Variants in TSG101 observed in about 807,000 individuals in gnomAD.
The protein encoded by TSG101 is tumor susceptibility gene 101 protein.
A neutral mutation model predicts 48.5 loss-of-function variants in TSG101; 19 were observed. That is an observed-to-expected ratio of 0.39 (90% CI 0.27 to 0.58). The LOEUF (loss-of-function observed/expected upper bound fraction) is 0.58. Among genes scored for constraint, TSG101 ranks in the 20% least tolerant of loss-of-function variants. The pLI, the probability that TSG101 is intolerant of heterozygous loss-of-function variation, is 0.55. For synonymous variants in TSG101, 174 were observed against 169.4 expected, an observed-to-expected ratio of 1.03 and a Z score of -0.21; for missense variants, 365 against 484.4, an observed-to-expected ratio of 0.75 and a Z score of 2.31.
chr11:18,511,062 A>T (rs149126329), intron 4 of TSG101: 1 of 152,228 alleles, frequency 6.6e-6, no homozygotes, highest in African/African-American at 2.4e-5. Flanking sequence ...TATTTTGTGT[A>T]TATCTCATCT....
intron 4 of TSG101, among the ~76,000 whole-genome samples, chr11:18,514,217 G>A (rs1258994198): frequency 6.6e-6 from 1 of 152,112 alleles, no homozygotes; most frequent in East Asian, 1.9e-4. Flanking sequence ...GCTTTCCAAA[G>A]CCTTCCAACA....
At chr11:18,480,666 G>A in intron 9 of TSG101, 31 bp from the exon 10 acceptor site, 1 of 1,596,042 alleles carries the variant, frequency 6.3e-7, no homozygotes, top group African/African-American at 1.3e-5. Flanking sequence ...GAATAGTTTA[G>A]AATGGCTTTG....
At position 18,484,046 on chromosome 11, in the gene TSG101, C is replaced by T. The variant is rs778320305; in HGVS notation, c.667G>A (p.Glu223Lys). 16 of 1,613,980 alleles carry T rather than the reference C, an allele frequency of 9.9e-6. No individual in the cohort carries two copies. The highest frequency in any genetic ancestry group is 1.3e-5 in the African/African-American group (1 of 74,890). Residue 223 changes from glutamate to lysine, a missense_variant, in exon 8 of 10, where the codon GAG (glutamate) becomes AAG (lysine). Glu to Lys is a moderately conservative substitution (Grantham distance 56, BLOSUM62 1). Coordinates refer to ENST00000251968, the MANE Select transcript of TSG101 (RefSeq NM_006292.4). ...ATGAGAGAGGCTCGGATGGTGTCCT[C>T]GCTGATTGTGCCATCCCTACTGGGA... ...VGPSRDGTIS[E>K]DTIRASLISA...
chr11:18,512,111 A>C (rs1850093812), intron 4 of TSG101, among the ~76,000 whole-genome samples: 1 of 152,186 alleles, frequency 6.6e-6, no homozygotes, highest in African/African-American at 2.4e-5. Context: ...ACAGGTTAAG[A>C]ATTCAAACTG....
chr11:18,493,493 A>C (rs1684183916), intron 7 of TSG101, among the ~76,000 whole-genome samples: 1 of 152,148 alleles, frequency 6.6e-6, no homozygotes. Context: ...GTAAACTATA[A>C]CTCAACGATA....
intron 7 of TSG101, among the ~76,000 whole-genome samples, chr11:18,494,789 T>C (rs1027904409): frequency 4.6e-5 from 7 of 151,952 alleles, no homozygotes; most frequent in African/African-American, 1.4e-4. Context: ...GGGTGCCATA[T>C]CCTGAAAGTA....
intron 8 of TSG101, 166 bp downstream of exon 8, chr11:18,483,704 T>C (rs1486675129): frequency 5.7e-6 from 4 of 704,792 alleles, no homozygotes; most frequent in African/African-American, 3.6e-5. Context: ...ATGCCAAACA[T>C]AGGCTCCACT....
chr11:18,523,816 TTAAAA>T (rs1850321267), intron 1 of TSG101, among the ~76,000 whole-genome samples: 1 of 152,186 alleles, frequency 6.6e-6, no homozygotes, highest in African/African-American at 2.4e-5. Flanking sequence ...TTGTTATAGT[TTAAAA>T]TGTTTATTTT....
intron 7 of TSG101, chr11:18,490,335 T>A (rs1292355856): frequency 1.7e-6 from 1 of 600,258 alleles, no homozygotes; most frequent in Non-Finnish European, 3.2e-6. Context: ...GCTGTCTTTA[T>A]AAGACTCTTC....
chr11:18,526,907 A>T lies in TSG101; in HGVS notation c.-91T>A. The T allele has an allele frequency of 1.4e-6, 2 of 1,414,958 alleles. No homozygotes were observed. Among genetic ancestry groups the T allele is most frequent in the Non-Finnish European group, 1.9e-6 (2 of 1,041,958 alleles). The allele number at this position is 1,414,958 out of a possible 1,614,324, so 87.7% of individuals were successfully genotyped here. ...CGTCCCACACAATCGCACACCCCCA[A>T]CCCGGCCTCAAACAACAGGAAGTCG... On this transcript the variant is annotated 5_prime_UTR_variant, in exon 1 of 10. In the 5' UTR this introduces an upstream ATG that the reference lacks. Transcript: ENST00000251968.
At chr11:18,523,041 C>G (rs1332163473) in intron 1 of TSG101, among the ~76,000 whole-genome samples, 1 of 152,110 alleles carries the variant, frequency 6.6e-6, no homozygotes, top group Non-Finnish European at 1.5e-5. Context: ...AGGTATGCAC[C>G]ACGCCTGGCT....
intron 4 of TSG101, among the ~76,000 whole-genome samples, chr11:18,510,422 A>G (rs1212336479): frequency 6.6e-6 from 1 of 152,210 alleles, no homozygotes; most frequent in Non-Finnish European, 1.5e-5. Flanking sequence ...CTCTGTCTCA[A>G]AACAAACAAA....
At chr11:18,522,463 C>T (rs755906872) in intron 1 of TSG101, among the ~76,000 whole-genome samples, 2 of 152,184 alleles carry the variant, frequency 1.3e-5, no homozygotes, top group South Asian at 4.1e-4. Flanking sequence ...GTCAAAATAT[C>T]CTGTTAGCTT....
At chr11:18,490,386 GTTT>G in intron 7 of TSG101, 1 of 597,674 alleles carries the variant, frequency 1.7e-6, no homozygotes, top group Non-Finnish European at 3.2e-6. Context: ...ATCAAATACT[GTTT>G]TTGCCAGGCT....
At chr11:18,510,872 G>A (rs566848407) in intron 4 of TSG101, among the ~76,000 whole-genome samples, 1 of 151,956 alleles carries the variant, frequency 6.6e-6, no homozygotes, top group African/African-American at 2.4e-5. Context: ...CAGTATGACT[G>A]CGCCACTGCA....
At chr11:18,514,451 T>A (rs1160070536) in intron 4 of TSG101, among the ~76,000 whole-genome samples, 2 of 152,328 alleles carry the variant, frequency 1.3e-5, no homozygotes, top group Admixed American at 6.5e-5. Flanking sequence ...AAGGTTCAAC[T>A]AAAGCCAACA....
intron 7 of TSG101, among the ~76,000 whole-genome samples, chr11:18,493,417 C>T (rs982600513): frequency 6.6e-6 from 1 of 152,136 alleles, no homozygotes; most frequent in African/African-American, 2.4e-5. Context: ...TATTTACAAA[C>T]GATCACTACT....
chr11:18,514,572 C>G, intron 4 of TSG101, 106 bp downstream of exon 4: 1 of 899,284 alleles, frequency 1.1e-6, no homozygotes, highest in Middle Eastern at 3.7e-4. Flanking sequence ...ATTATCTGAA[C>G]TTATCTATCC....
At chr11:18,490,664 T>C (rs1186099410) in intron 7 of TSG101, 8 of 447,010 alleles carry the variant, frequency 1.8e-5, no homozygotes, top group Non-Finnish European at 3.1e-5. Flanking sequence ...GTCCAACAGC[T>C]CCAGAACGTC....
Sources: gnomAD v4.1 joint callset for allele counts (sites outside exome capture counted in the v4.1 genomes callset) on GRCh38, gnomAD v4.1.1 for gene constraint, MANE v1.5 for transcripts, NCBI Gene and HGNC (gene_info 2026-07-23, HGNC 2026-07-21) for gene names.